Variants in E2F7 observed in about 807,000 individuals in gnomAD.
E2F7 encodes E2F transcription factor 7.
A neutral mutation model predicts 81.1 loss-of-function variants in E2F7; 35 were observed. The ratio of observed to expected loss-of-function variants is 0.43; its 90% CI spans 0.33 to 0.57. The LOEUF is 0.57. Among genes scored for constraint, E2F7 ranks in the 20% least tolerant of loss-of-function variants. The pLI, the probability that E2F7 is intolerant of heterozygous loss-of-function variation, is 0.04. For missense variants in E2F7, 961 were observed against 1,093.7 expected (o/e 0.88, Z 1.71); for synonymous variants, 416 against 416.2 (o/e 1.00, Z 0.01).
At chr12:77,027,377 A>C (rs527243463) in intron 11 of E2F7, among the ~76,000 whole-genome samples, 1 of 152,362 alleles carries the variant, frequency 6.6e-6, no homozygotes, top group South Asian at 2.1e-4. Context: ...CAATTTTCAC[A>C]GCACCCATAT....
At chr12:77,028,283 C>G (rs1954776000) in intron 10 of E2F7, 145 bp from the exon 11 acceptor site, 1 of 1,088,530 alleles carries the variant, frequency 9.2e-7, no homozygotes, top group Non-Finnish European at 1.3e-6. Flanking sequence ...ACCTCTGACT[C>G]CAAGGTTCAA....
chr12:77,053,841 A>C (rs1310561236), intron 3 of E2F7, among the ~76,000 whole-genome samples: 1 of 152,182 alleles, frequency 6.6e-6, no homozygotes, highest in Non-Finnish European at 1.5e-5. Context: ...ATTCAGAAGA[A>C]TGGTTATTCT....
At chr12:77,059,061 C>T (rs947479047) in intron 2 of E2F7, among the ~76,000 whole-genome samples, 23 of 152,048 alleles carry the variant, frequency 1.5e-4, no homozygotes, top group Admixed American at 1.5e-3. Context: ...GATTTACATG[C>T]CTTCTCCATT....
In E2F7 at chr12:77,061,459, T is replaced by C. The variant is rs182777116; in HGVS notation, c.93+3084A>G. ...TACTTGCCTGAGACTCAGTATTCCT[T>C]CCTTCCAGCCACAGCTCAAGTGCTA... On this transcript the variant is annotated intron_variant, in intron 2 of 12. Transcript: ENST00000322886. Among the ~76,000 whole-genome samples, 24 of 152,292 alleles carry C rather than the reference T, an allele frequency of 1.6e-4. No homozygotes were observed. The East Asian group carries it at 4.6e-3, about 29-fold the overall frequency.
At chr12:77,050,943 T>C (rs988826877) in intron 3 of E2F7, among the ~76,000 whole-genome samples, 199 bp from the exon 4 acceptor site, 1 of 152,120 alleles carries the variant, frequency 6.6e-6, no homozygotes, top group Non-Finnish European at 1.5e-5. Context: ...TTCTCCTTTA[T>C]AATTTGAGGC....
At chr12:77,052,661 C>T (rs532363665) in intron 3 of E2F7, among the ~76,000 whole-genome samples, 8 of 151,986 alleles carry the variant, frequency 5.3e-5, no homozygotes, top group African/African-American at 1.7e-4. Context: ...AAAAACATTA[C>T]CCTTAAAAGG....
At chr12:77,062,936 G>A (rs1955089470) in intron 2 of E2F7, among the ~76,000 whole-genome samples, 2 of 150,894 alleles carry the variant, frequency 1.3e-5, no homozygotes, top group African/African-American at 4.9e-5. Flanking sequence ...TTTATCTGTG[G>A]TTTCACTTTC....
At chr12:77,040,273 C>A (rs1954884458) in intron 7 of E2F7, among the ~76,000 whole-genome samples, 1 of 152,154 alleles carries the variant, frequency 6.6e-6, no homozygotes, top group Non-Finnish European at 1.5e-5. Flanking sequence ...CATGTATATT[C>A]TCCATAAGGC....
chr12:77,040,922 A>G lies in E2F7; in HGVS notation c.1123+2143T>C, dbSNP rs78338850. ...GCTGGTAGGAAAGAAGAGGAGAAAG[A>G]CATTTATGAAATTTGTGAGGAATTG... On this transcript the variant is annotated intron_variant, in intron 7 of 12. Coordinates refer to ENST00000322886, the MANE Select transcript of E2F7 (RefSeq NM_203394.3). Among the ~76,000 whole-genome samples, 35 of 152,358 alleles carry G rather than the reference A, an allele frequency of 2.3e-4. 1 individual carries two copies. The East Asian group carries it at 6.6e-3, about 29-fold the overall frequency.
At chr12:77,059,067 C>T (rs1002051124) in intron 2 of E2F7, among the ~76,000 whole-genome samples, 5 of 152,280 alleles carry the variant, frequency 3.3e-5, no homozygotes, top group African/African-American at 1.2e-4. Flanking sequence ...CATGCCTTCT[C>T]CATTGCTTCC....
At chr12:77,040,488 A>G (rs925526219) in intron 7 of E2F7, among the ~76,000 whole-genome samples, 1 of 152,248 alleles carries the variant, frequency 6.6e-6, no homozygotes, top group South Asian at 2.1e-4. Flanking sequence ...CAAGCTGTGC[A>G]TGACCACAAC....
intron 2 of E2F7, among the ~76,000 whole-genome samples, chr12:77,058,522 G>A (rs544676193): frequency 5.3e-5 from 8 of 152,252 alleles, no homozygotes; most frequent in African/African-American, 1.9e-4. Context: ...TACCCAGCAG[G>A]CCACTGATCC....
intron 2 of E2F7, among the ~76,000 whole-genome samples, chr12:77,056,922 C>G (rs535840288): frequency 6.6e-6 from 1 of 150,492 alleles, no homozygotes; most frequent in Non-Finnish European, 1.5e-5. Context: ...GGGTCTCACT[C>G]TGTTGCCCAG....
chr12:77,046,688 T>C (rs1441900936), intron 4 of E2F7, among the ~76,000 whole-genome samples: 1 of 152,212 alleles, frequency 6.6e-6, no homozygotes, highest in Non-Finnish European at 1.5e-5. Flanking sequence ...ACAGTGTGCC[T>C]AATGGACACG....
At chr12:77,029,757 T>C (rs1336557381) in intron 10 of E2F7, 74 bp downstream of exon 10, 1 of 1,565,114 alleles carries the variant, frequency 6.4e-7, no homozygotes, top group African/African-American at 1.4e-5. Flanking sequence ...CTTATTAATA[T>C]CAGTGTATCT....
Position 77,030,101 on chromosome 12 carries a change from T to C in E2F7, c.1614A>G (p.Pro538=). Residue 538 remains proline, a synonymous_variant, in exon 10 of 13, where the codon CCA becomes CCG. Coordinates refer to ENST00000322886, the MANE Select transcript of E2F7 (RefSeq NM_203394.3). The part of the protein sequence containing the change: ...SAASAVESLK[P]ALLAGQPLVY... The stretch of plus-strand genomic sequence containing the variant: ...CTAGAGGCTGGCCAGCAAGGAGTGC[T>C]GGCTTCAGGCTCTCCACAGCAGAGG... The C allele has an allele frequency of 6.2e-7, 1 of 1,614,190 alleles. No homozygotes were observed. The highest frequency in any genetic ancestry group is 8.5e-7 in the Non-Finnish European group (1 of 1,180,028).
chr12:77,045,365 G>A (rs962791725), intron 5 of E2F7, among the ~76,000 whole-genome samples: 29 of 152,168 alleles, frequency 1.9e-4, no homozygotes, highest in Non-Finnish European at 4.0e-4. Flanking sequence ...ACAGATGGCT[G>A]TCTTCTCTGG....
chr12:77,052,814 T>C (rs1033519423), intron 3 of E2F7, among the ~76,000 whole-genome samples: 2 of 150,730 alleles, frequency 1.3e-5, no homozygotes, highest in Non-Finnish European at 3.0e-5. Flanking sequence ...CCCCTACAAA[T>C]CAACATGACA....
In E2F7 at chr12:77,023,926, G is replaced by C. The variant is rs79236710; in HGVS notation, c.*89C>G. 3 of 1,466,690 alleles carry C rather than the reference G, an allele frequency of 2.0e-6. No homozygotes were observed. Among genetic ancestry groups the C allele is most frequent in the African/African-American group, 1.4e-5 (1 of 70,726 alleles). 90.9% of individuals were successfully genotyped at this position (1,466,690 alleles called of 1,614,324 possible). A position where few individuals can be genotyped will look rare whatever the true frequency, so the allele number is the denominator to read the frequency against. On this transcript the variant is annotated 3_prime_UTR_variant, in exon 13 of 13. Coordinates refer to ENST00000322886, the MANE Select transcript of E2F7 (RefSeq NM_203394.3). ...TGGATGAAAGAGAGAGGAAGGACCC[G>C]TGCTCAGGACGGGATGGTTTGCATC...
Sources: gnomAD v4.1 joint callset for allele counts (sites outside exome capture counted in the v4.1 genomes callset) on GRCh38, gnomAD v4.1.1 for gene constraint, MANE v1.5 for transcripts, NCBI Gene and HGNC (gene_info 2026-07-23, HGNC 2026-07-21) for gene names.